ZCCHC7: variants seen among roughly 807,000 people sequenced by gnomAD.
ZCCHC7 encodes zinc finger CCHC-type containing 7, also known as zinc finger CCHC domain-containing protein 7.
A neutral mutation model predicts 52.0 loss-of-function variants in ZCCHC7; 35 were observed. The ratio of observed to expected loss-of-function variants is 0.67; its 90% confidence interval spans 0.51 to 0.89. ZCCHC7 has a LOEUF of 0.89. ZCCHC7 is among the 40% of genes least tolerant of loss of function. The pLI is 0.00. For synonymous variants in ZCCHC7, 217 were observed against 221.5 expected (o/e 0.98, Z 0.18); for missense variants, 574 against 649.1 (o/e 0.88, Z 1.26).
intron 2 of ZCCHC7, among the ~76,000 whole-genome samples, chr9:37,273,125 C>T (rs1004342039): frequency 1.5e-4 from 23 of 152,122 alleles, no homozygotes; most frequent in African/African-American, 2.9e-4. Flanking sequence ...TGGCTGTTTT[C>T]GGCCCATAAT....
chr9:37,245,486 G>C (rs1343423102), intron 2 of ZCCHC7, among the ~76,000 whole-genome samples: 3 of 151,966 alleles, frequency 2.0e-5, no homozygotes, highest in Non-Finnish European at 2.9e-5. Flanking sequence ...ACAAACTATT[G>C]TTGAGCACCT....
At chr9:37,216,533 G>A (rs1269910703) in intron 2 of ZCCHC7, among the ~76,000 whole-genome samples, 1 of 152,132 alleles carries the variant, frequency 6.6e-6, no homozygotes, top group Non-Finnish European at 1.5e-5. Flanking sequence ...AATTAGCTGG[G>A]CATGGTGGCA....
chr9:37,201,908 T>C (rs1420781168), intron 2 of ZCCHC7, among the ~76,000 whole-genome samples: 2 of 152,212 alleles, frequency 1.3e-5, no homozygotes, highest in Non-Finnish European at 2.9e-5. Flanking sequence ...CCATACCCCA[T>C]TTTCTCAACT....
intron 2 of ZCCHC7, among the ~76,000 whole-genome samples, chr9:37,249,455 C>G (rs1332392500): frequency 2.4e-5 from 2 of 84,210 alleles, no homozygotes; most frequent in African/African-American, 1.1e-4. Flanking sequence ...TCTTCTTCTT[C>G]CTTTTTTTTT....
intron 2 of ZCCHC7, among the ~76,000 whole-genome samples, chr9:37,135,517 G>T (rs1842961099): frequency 1.3e-5 from 2 of 152,160 alleles, no homozygotes; most frequent in Admixed American, 1.3e-4. Flanking sequence ...GACTGTTATG[G>T]TATAGAATTT....
At position 37,329,525 on chromosome 9, in the gene ZCCHC7, ATC is replaced by A. The variant is rs1209115625; in HGVS notation, c.987+1692_987+1693del. 2.0e-5 allele frequency among the ~76,000 whole-genome samples: 3 copies of A among 151,912 alleles called. No homozygotes were observed. The East Asian group carries it at 5.8e-4, about 29-fold the overall frequency. On this transcript the variant is annotated intron_variant, in intron 6 of 8. Transcript: ENST00000336755. ...TTTTTAAAATAATATTGAAGTTGCC[ATC>A]ACAGTTTATAAATTATCAAGTTGAA...
intron 2 of ZCCHC7, among the ~76,000 whole-genome samples, chr9:37,267,125 A>C (rs1827142979): frequency 6.6e-6 from 1 of 152,184 alleles, no homozygotes; most frequent in African/African-American, 2.4e-5. Context: ...TGCAAAGTTT[A>C]TTAATCCTCA....
chr9:37,265,984 A>G (rs112065556), intron 2 of ZCCHC7, among the ~76,000 whole-genome samples: 1 of 151,952 alleles, frequency 6.6e-6, no homozygotes, highest in Admixed American at 6.6e-5. Context: ...CCCCTCCCCA[A>G]ATCCCTGCAT....
intron 2 of ZCCHC7, among the ~76,000 whole-genome samples, chr9:37,170,526 G>A (rs1454941775): frequency 6.6e-6 from 1 of 152,198 alleles, no homozygotes; most frequent in Non-Finnish European, 1.5e-5. Flanking sequence ...GGGAAAAGGG[G>A]ATAGAGTGAT....
chr9:37,346,002 G>A (rs1014927756), intron 6 of ZCCHC7, among the ~76,000 whole-genome samples: 5 of 151,850 alleles, frequency 3.3e-5, no homozygotes, highest in African/African-American at 9.7e-5. Flanking sequence ...TTGGGTTTGC[G>A]TTTGGGTTTT....
intron 2 of ZCCHC7, among the ~76,000 whole-genome samples, chr9:37,150,577 A>G (rs1820461953): frequency 6.6e-6 from 1 of 152,224 alleles, no homozygotes; most frequent in Non-Finnish European, 1.5e-5. Flanking sequence ...GTCTCAGTAC[A>G]GGAACAGAAA....
intron 2 of ZCCHC7, among the ~76,000 whole-genome samples, chr9:37,129,669 T>C (rs1225558069): frequency 1.3e-5 from 2 of 152,188 alleles, no homozygotes; most frequent in Non-Finnish European, 2.9e-5. Context: ...GTGTTCTGTT[T>C]CCTTGACCTC....
intron 2 of ZCCHC7, among the ~76,000 whole-genome samples, chr9:37,290,580 C>T (rs531008938): frequency 4.2e-4 from 64 of 151,952 alleles, no homozygotes; most frequent in Non-Finnish European, 5.1e-4. Context: ...TGTTTGCACC[C>T]GGGAGGCGGA....
intron 5 of ZCCHC7, among the ~76,000 whole-genome samples, chr9:37,323,711 T>G (rs1319764144): frequency 6.6e-6 from 1 of 152,216 alleles, no homozygotes; most frequent in Non-Finnish European, 1.5e-5. Context: ...GAGCAGTCTT[T>G]ATGTGGAATT....
chr9:37,199,660 C>T (rs1338268017), intron 2 of ZCCHC7, among the ~76,000 whole-genome samples: 7 of 128,004 alleles, frequency 5.5e-5, no homozygotes, highest in African/African-American at 1.8e-4. Context: ...GTCTGTCTGT[C>T]TGTCTGTCTT....
chr9:37,354,243 C>T lies in ZCCHC7; in HGVS notation c.1084-467C>T, dbSNP rs1420220618. 2.6e-5 allele frequency among the ~76,000 whole-genome samples: 4 copies of T among 152,070 alleles called. No homozygotes were observed. Among genetic ancestry groups the T allele is most frequent in the African/African-American group, 9.7e-5 (4 of 41,404 alleles). ...GTTGAGTTAAAATAAGCTTGCAAACCATTTGTCTCTAGAAAAAAAGATCAA... is the reference window on the plus strand; with the variant it reads ...GTTGAGTTAAAATAAGCTTGCAAACTATTTGTCTCTAGAAAAAAAGATCAA... On this transcript the variant is annotated intron_variant, in intron 7 of 8. Coordinates refer to ENST00000336755, the MANE Select transcript of ZCCHC7 (RefSeq NM_032226.3). The surrounding 1 kb of genome is among the most constrained non-coding windows in gnomAD (Gnocchi z 4.0).
chr9:37,248,419 C>T (rs1826173756), intron 2 of ZCCHC7, among the ~76,000 whole-genome samples: 1 of 152,156 alleles, frequency 6.6e-6, no homozygotes, highest in African/African-American at 2.4e-5. Flanking sequence ...TGGAGCGTTT[C>T]AGTAGTAGTG....
At chr9:37,295,574 A>G (rs192627023) in intron 2 of ZCCHC7, among the ~76,000 whole-genome samples, 1 of 152,182 alleles carries the variant, frequency 6.6e-6, no homozygotes, top group African/African-American at 2.4e-5. Flanking sequence ...CATTGAGGCT[A>G]TTTTGGATAC....
chr9:37,143,615 A>G (rs1359860363), intron 2 of ZCCHC7, among the ~76,000 whole-genome samples: 3 of 151,668 alleles, frequency 2.0e-5, no homozygotes, highest in Non-Finnish European at 4.4e-5. Flanking sequence ...AACAGGTGGA[A>G]ATATCTATGC....
Sources: allele counts gnomAD v4.1 joint callset (sites outside exome capture counted in the v4.1 genomes callset), GRCh38; gene constraint gnomAD v4.1.1; non-coding constraint Gnocchi (gnomAD v3.1); transcripts MANE v1.5; gene names NCBI Gene and HGNC (gene_info 2026-07-23, HGNC 2026-07-21).